KLK2: variants seen among roughly 807,000 people sequenced by gnomAD.
KLK2 encodes kallikrein-2.
A neutral mutation model predicts 23.0 loss-of-function variants in KLK2; 17 were observed. That is an observed-to-expected ratio of 0.74 (90% CI 0.51 to 1.11). KLK2 has a LOEUF of 1.11. Among genes scored for constraint, KLK2 ranks in the 50% least tolerant of loss-of-function variants. The pLI is 0.00. For missense variants in KLK2, 330 were observed against 325.9 expected, an observed-to-expected ratio of 1.01 and a Z score of -0.10; for synonymous variants, 140 against 124.7, an observed-to-expected ratio of 1.12 and a Z score of -0.82.
chr19:50,876,874 T>C lies in KLK2; in HGVS notation c.496T>C (p.Leu166=). 6.2e-7 allele frequency: 1 copy of C among 1,614,048 alleles called. No homozygotes were observed. Among genetic ancestry groups the C allele is most frequent in the East Asian group, 2.2e-5 (1 of 44,888 alleles). ...GWGSIEPEEF[L]RPRSLQCVSL... ...CCCAGTTTTTCTCTGACCCATAGTC[T>C]TGCGCCCCAGGAGTCTTCAGTGTGT... is the stretch of plus-strand genomic sequence containing the variant. The change falls in exon 4 of 5, where the codon TTG becomes CTG. Residue 166 remains leucine (L), a splice_region_variant and synonymous_variant. Transcript: ENST00000325321.
At chr19:50,874,456 T>C (rs1600011559) in intron 1 of KLK2, 1 of 335,704 alleles carries the variant, frequency 3.0e-6, no homozygotes, top group East Asian at 5.1e-5. Flanking sequence ...CGATGCCTGC[T>C]TCAGATGTTT....
rs755023510 is a variant in KLK2, at chr19:50,878,464, CCTGAGCCA to C, written c.692_699del (p.Pro231LeufsTer5). The C allele has an allele frequency of 3.7e-6, 6 of 1,614,036 alleles. No homozygotes were observed. Among genetic ancestry groups the C allele is most frequent in the Non-Finnish European group, 3.4e-6 (4 of 1,179,908 alleles). On this transcript the variant is annotated frameshift_variant, in exon 5 of 5. Coordinates refer to ENST00000325321, the MANE Select transcript of KLK2 (RefSeq NM_005551.5). LOFTEE classifies it low-confidence loss of function (END_TRUNC). The stretch of plus-strand genomic sequence containing the variant: ...GCTTCAAGGTATCACATCATGGGGC[CCTGAGCCA>C]TGTGCCCTGCCTGAAAAGCCTGCTG...
At chr19:50,877,230 A>C in intron 4 of KLK2, 2 of 609,794 alleles carry the variant, frequency 3.3e-6, no homozygotes, top group Non-Finnish European at 5.8e-6. Context: ...TGTGTTGAGC[A>C]CATGCTTACT....
intron 2 of KLK2, 101 bp downstream of exon 2, chr19:50,874,981 TA>T: frequency 1.4e-6 from 2 of 1,454,130 alleles, no homozygotes; most frequent in Non-Finnish European, 9.1e-7. Flanking sequence ...GGCTTCAGAC[TA>T]AAGGAGAGAG....
At position 50,879,495 on chromosome 19, in the gene KLK2, T is replaced by C; in HGVS notation, c.*936T>C. On this transcript the variant is annotated 3_prime_UTR_variant, in exon 5 of 5. Coordinates refer to ENST00000325321, the MANE Select transcript of KLK2 (RefSeq NM_005551.5). ...GGGGGCATATCTGACAGTTATTCTC[T>C]CCAAGTGGAGACTTACGGACAGCAT... 4.3e-6 allele frequency: 1 copy of C among 231,676 alleles called. No homozygotes were observed. Among genetic ancestry groups the C allele is most frequent in the Non-Finnish European group, 8.5e-6 (1 of 117,172 alleles). The allele number at this position is 231,676 out of a possible 1,614,324, so 14.4% of individuals were successfully genotyped here. A position where few individuals can be genotyped will look rare whatever the true frequency, so the allele number is the denominator to read the frequency against.
At chr19:50,878,382 G>C (rs1435993869) in intron 4 of KLK2, 22 bp from the exon 5 acceptor site, 6 of 1,597,430 alleles carry the variant, frequency 3.8e-6, no homozygotes, top group Non-Finnish European at 5.1e-6. Context: ...TTCTCACTGT[G>C]TCTCTCCTCC....
rs1324557261 is a variant in KLK2 at position 50,878,503 on chromosome 19, A to G, written c.730A>G (p.Thr244Ala). ...CCTGCCTGAAAAGCCTGCTGTGTAC[A>G]CCAAGGTGGTGCATTACCGGAAGTG... is the stretch of plus-strand genomic sequence containing the variant. ...CALPEKPAVY[T>A]KVVHYRKWIK... The change falls in exon 5 of 5, where the codon ACC becomes GCC. Residue 244 changes from threonine (T) to alanine (A), a missense_variant. Coordinates refer to ENST00000325321, the MANE Select transcript of KLK2 (RefSeq NM_005551.5). 2 of 1,614,046 alleles carry G rather than the reference A, an allele frequency of 1.2e-6. No homozygotes were observed. Among genetic ancestry groups the G allele is most frequent in the Non-Finnish European group, 1.7e-6 (2 of 1,179,946 alleles).
Position 50,879,563 on chromosome 19 carries a change from A to G in KLK2, c.*1004A>G, listed in dbSNP as rs973009153. 9 of 230,166 alleles carry G rather than the reference A, an allele frequency of 3.9e-5. No homozygotes were observed. Among genetic ancestry groups the G allele is most frequent in the Non-Finnish European group, 6.0e-5 (7 of 116,156 alleles). 14.3% of individuals were successfully genotyped at this position (230,166 alleles called of 1,614,324 possible). On this transcript the variant is annotated 3_prime_UTR_variant, in exon 5 of 5. Transcript: ENST00000325321. ...GATGTATGATAATATGTACAAAGTA[A>G]TTCCAACTGAGGAAGCTCACCTGAT...
At chr19:50,875,041 C>T in intron 2 of KLK2, 161 bp downstream of exon 2, 1 of 1,343,938 alleles carries the variant, frequency 7.4e-7, no homozygotes, top group Non-Finnish European at 9.7e-7. Context: ...GGGGCTGGAC[C>T]ACTCTCCCCA....
chr19:50,876,351 G>A (rs567144557), intron 2 of KLK2, 121 bp from the exon 3 acceptor site: 52 of 832,602 alleles, frequency 6.2e-5, no homozygotes, highest in African/African-American at 1.4e-4. Context: ...ATATCTCCCC[G>A]ACCCCTGTGC....
In KLK2 at chr19:50,879,132, GC is replaced by G. The variant is rs1164731020; in HGVS notation, c.*574del. On this transcript the variant is annotated 3_prime_UTR_variant, in exon 5 of 5. Coordinates refer to ENST00000325321, the MANE Select transcript of KLK2 (RefSeq NM_005551.5). Reference sequence around the variant, plus strand: ...GAGGGACTAGGGGGAGAAACTGAAAGCTGATTAATTACAGGAGGTTTGTTCA... The same window carrying G: ...GAGGGACTAGGGGGAGAAACTGAAAGTGATTAATTACAGGAGGTTTGTTCA... 8 of 233,158 alleles carry G rather than the reference GC, an allele frequency of 3.4e-5. No homozygotes were observed. The highest frequency in any genetic ancestry group is 1.5e-4 in the African/African-American group (7 of 45,466). The allele number at this position is 233,158 out of a possible 1,614,324, so 14.4% of individuals were successfully genotyped here. A position where few individuals can be genotyped will look rare whatever the true frequency, so the allele number is the denominator to read the frequency against.
chr19:50,876,103 A>G lies in KLK2; in HGVS notation c.207-369A>G, dbSNP rs1187084558. On this transcript the variant is annotated intron_variant, in intron 2 of 4. Transcript: ENST00000325321. ...TCCCGCATCCTTTTCTCATTTGTCTATTTCTCACTCCCTTCCTGGTTCTGT... is the reference window on the plus strand; with the variant it reads ...TCCCGCATCCTTTTCTCATTTGTCTGTTTCTCACTCCCTTCCTGGTTCTGT... 5 of 252,454 alleles carry G rather than the reference A, an allele frequency of 2.0e-5. 1 individual carries two copies. The highest frequency in any genetic ancestry group is 1.3e-3 in the Middle Eastern group (1 of 796). 15.6% of individuals were successfully genotyped at this position (252,454 alleles called of 1,614,324 possible).
intron 4 of KLK2, 156 bp downstream of exon 4, chr19:50,877,164 C>T (rs563623728): frequency 7.1e-6 from 6 of 846,806 alleles, no homozygotes; most frequent in Middle Eastern, 2.3e-4. Context: ...CTCCTTCCCC[C>T]TTCCCTGACT....
In KLK2 at chr19:50,880,237, C is replaced by T. The variant is rs115119431; in HGVS notation, c.*1678C>T. 1,020 of 230,816 alleles carry T rather than the reference C, an allele frequency of 4.4e-3. 8 individuals are homozygous for T. The highest frequency in any genetic ancestry group is 0.019 in the African/African-American group (876 of 45,260). 14.3% of individuals were successfully genotyped at this position (230,816 alleles called of 1,614,324 possible). A position where few individuals can be genotyped will look rare whatever the true frequency, so the allele number is the denominator to read the frequency against. On this transcript the variant is annotated 3_prime_UTR_variant, in exon 5 of 5. Transcript: ENST00000325321. ...GCCCAGAGCAGGAGGACGCTGCACA[C>T]CATGCAGGATGACATGGGGGATGCG... is the stretch of plus-strand genomic sequence containing the variant.
rs1042093294 is a variant in KLK2, at chr19:50,880,093, T to C, written c.*1534T>C. The C allele has an allele frequency of 2.2e-5, 5 of 229,204 alleles. No homozygotes were observed. The highest frequency in any genetic ancestry group is 4.3e-5 in the Non-Finnish European group (5 of 115,552). 14.2% of individuals were successfully genotyped at this position (229,204 alleles called of 1,614,324 possible). ...CATTCAATCATTGTTTTATTTGCCTTCTTTTCACACCATTGGTGAGGGAGG... is the reference window on the plus strand; with the variant it reads ...CATTCAATCATTGTTTTATTTGCCTCCTTTTCACACCATTGGTGAGGGAGG... On this transcript the variant is annotated 3_prime_UTR_variant, in exon 5 of 5. Coordinates refer to ENST00000325321, the MANE Select transcript of KLK2 (RefSeq NM_005551.5).
In KLK2 at chr19:50,873,493, C is replaced by T. The variant is rs1264343242; in HGVS notation, c.20C>T (p.Ser7Phe). MWDLVL[S>F]IALSVGCTGA... Reference sequence around the variant, plus strand: ...GTCAGCATGTGGGACCTGGTTCTCTCCATCGCCTTGTCTGTGGGGTGCACT... The same window carrying T: ...GTCAGCATGTGGGACCTGGTTCTCTTCATCGCCTTGTCTGTGGGGTGCACT... Residue 7 changes from serine to phenylalanine, a missense_variant, in exon 1 of 5, where the codon TCC (serine) becomes TTC (phenylalanine). Physicochemically the swap from Ser to Phe is radical, Grantham distance 155. Coordinates refer to ENST00000325321, the MANE Select transcript of KLK2 (RefSeq NM_005551.5). The T allele has an allele frequency of 2.5e-6, 4 of 1,602,100 alleles. No individual in the cohort carries two copies. In the African/African-American group the frequency reaches 5.4e-5, roughly 21 times the overall value.
At position 50,878,760 on chromosome 19, in the gene KLK2, C is replaced by T; in HGVS notation, c.*201C>T. The T allele has an allele frequency of 2.0e-6, 1 of 495,708 alleles. No individual in the cohort carries two copies. The highest frequency in any genetic ancestry group is 3.6e-6 in the Non-Finnish European group (1 of 276,554). 30.7% of individuals were successfully genotyped at this position (495,708 alleles called of 1,614,324 possible). A position where few individuals can be genotyped will look rare whatever the true frequency, so the allele number is the denominator to read the frequency against. ...AGGAATGGGCAGACACAGGTGTATG[C>T]CAATGTTTCTGAAATGGGTATAATT... On this transcript the variant is annotated 3_prime_UTR_variant, in exon 5 of 5. Coordinates refer to ENST00000325321, the MANE Select transcript of KLK2 (RefSeq NM_005551.5).
In KLK2 at chr19:50,873,507, G is replaced by C; in HGVS notation, c.34G>C (p.Val12Leu). 1.9e-6 allele frequency: 3 copies of C among 1,599,760 alleles called. No individual in the cohort carries two copies. Among genetic ancestry groups the C allele is most frequent in the Non-Finnish European group, 2.6e-6 (3 of 1,170,922 alleles). The part of the protein sequence containing the change: ...WDLVLSIALS[V>L]GCTGAVPLIQ... Reference sequence around the variant, plus strand: ...CCTGGTTCTCTCCATCGCCTTGTCTGTGGGGTGCACTGGTGAGATTGGGGG... The same window carrying C: ...CCTGGTTCTCTCCATCGCCTTGTCTCTGGGGTGCACTGGTGAGATTGGGGG... Residue 12 changes from valine (V) to leucine (L), a missense_variant, in exon 1 of 5, where the codon GTG becomes CTG. Coordinates refer to ENST00000325321, the MANE Select transcript of KLK2 (RefSeq NM_005551.5).
intron 2 of KLK2, chr19:50,875,962 C>G (rs1378905506): frequency 5.9e-6 from 1 of 169,318 alleles, no homozygotes; most frequent in East Asian, 1.8e-4. Flanking sequence ...CATGCCTCTC[C>G]TCCTCCCCCT....
Sources: allele counts gnomAD v4.1 joint callset, GRCh38; gene constraint gnomAD v4.1.1; transcripts MANE v1.5; gene names NCBI Gene and HGNC (gene_info 2026-07-23, HGNC 2026-07-21).